Variants in TENM3 observed in about 807,000 individuals in gnomAD.
TENM3 encodes the protein teneurin transmembrane protein 3, also known as teneurin-3.
In TENM3, 63 loss-of-function variants were observed where a neutral mutation model predicts 255.1. The observed-to-expected ratio is 0.25, with a 90% CI of 0.20 to 0.30. The LOEUF (loss-of-function observed/expected upper bound fraction) is 0.30. Among genes scored for constraint, TENM3 ranks in the 10% least tolerant of loss-of-function variants. The pLI is 1.00. For synonymous variants in TENM3, 1,306 were observed against 1,322.3 expected, an observed-to-expected ratio of 0.99 and a Z score of 0.27; for missense variants, 2,929 against 3,461.1, an observed-to-expected ratio of 0.85 and a Z score of 3.86.
chr4:181,735,741 G>A, the TENM3 span, among the ~76,000 whole-genome samples: 1 of 151,988 alleles, frequency 6.6e-6, no homozygotes, highest in Admixed American at 6.6e-5. Context: ...AGACACTAGA[G>A]CAAGACTTGA....
chr4:182,117,171 A>G, the TENM3 span, among the ~76,000 whole-genome samples: 2 of 152,172 alleles, frequency 1.3e-5, no homozygotes, highest in African/African-American at 4.8e-5. Flanking sequence ...TATTCTTTGT[A>G]TACTTTGGAT....
At chr4:181,831,784 A>C in the TENM3 span, among the ~76,000 whole-genome samples, 1 of 152,116 alleles carries the variant, frequency 6.6e-6, no homozygotes, top group African/African-American at 2.4e-5. Context: ...CTAATATGTA[A>C]TCAGTTACAC....
chr4:182,649,861 C>T (rs1427059819), intron 5 of TENM3, among the ~76,000 whole-genome samples: 1 of 150,234 alleles, frequency 6.7e-6, no homozygotes, highest in African/African-American at 2.4e-5. Context: ...CCCACACAAG[C>T]TGTGTTTCAC....
rs538291618 is a variant in TENM3 at position 182,284,496 on chromosome 4, C to A, written c.-75-39450C>A. ...AAAGGTAACTTTGTGGTGTTTTCAGCGTATTGAGGTAAAATGAAGGGGAAA... is the reference window on the plus strand; with the variant it reads ...AAAGGTAACTTTGTGGTGTTTTCAGAGTATTGAGGTAAAATGAAGGGGAAA... On this transcript the variant is annotated intron_variant, in intron 1 of 27. Coordinates refer to ENST00000511685, the MANE Select transcript of TENM3 (RefSeq NM_001080477.4). Among the ~76,000 whole-genome samples, 24 of 152,148 alleles carry A rather than the reference C, an allele frequency of 1.6e-4. No individual in the cohort carries two copies. In the South Asian group the frequency reaches 5.0e-3, roughly 32 times the overall value.
intron 6 of TENM3, among the ~76,000 whole-genome samples, chr4:182,663,053 T>A (rs1343552698): frequency 3.3e-5 from 5 of 152,214 alleles, no homozygotes; most frequent in Non-Finnish European, 7.3e-5. Flanking sequence ...GATGTCCTTA[T>A]ATCTCTACAT....
chr4:182,132,416 G>A, the TENM3 span, among the ~76,000 whole-genome samples: 1 of 151,912 alleles, frequency 6.6e-6, no homozygotes, highest in Non-Finnish European at 1.5e-5. Context: ...TTGGGAGGTG[G>A]AGGTTGCAGT....
chr4:181,811,400 C>T, the TENM3 span, among the ~76,000 whole-genome samples: 1 of 152,204 alleles, frequency 6.6e-6, no homozygotes, highest in African/African-American at 2.4e-5. Context: ...ATCTTTCCAA[C>T]ACTGGTTCCA....
chr4:182,512,831 A>G (rs1253695545), intron 3 of TENM3, among the ~76,000 whole-genome samples: 1 of 152,158 alleles, frequency 6.6e-6, no homozygotes, highest in African/African-American at 2.4e-5. Context: ...TAAAATTGCT[A>G]TAGGCTAAGA....
intron 3 of TENM3, among the ~76,000 whole-genome samples, chr4:182,576,807 T>TA (rs1255228056): frequency 2.6e-5 from 4 of 152,212 alleles, no homozygotes; most frequent in African/African-American, 9.6e-5. Context: ...ACACTGCTGT[T>TA]AGGGTAGTCG....
chr4:182,193,579 C>T (rs1179730022), intron 1 of TENM3, among the ~76,000 whole-genome samples: 1 of 152,156 alleles, frequency 6.6e-6, no homozygotes, highest in African/African-American at 2.4e-5. Context: ...CCATGCGTCC[C>T]AGGGGTATAG....
chr4:182,390,703 C>G (rs1178107101), intron 3 of TENM3, among the ~76,000 whole-genome samples: 1 of 152,162 alleles, frequency 6.6e-6, no homozygotes, highest in Non-Finnish European at 1.5e-5. Context: ...CACTGCCGTC[C>G]CCATCTCTCC....
At chr4:182,497,103 G>A (rs1195503867) in intron 3 of TENM3, among the ~76,000 whole-genome samples, 1 of 151,764 alleles carries the variant, frequency 6.6e-6, no homozygotes, top group Non-Finnish European at 1.5e-5. Context: ...CGCCAGGCTG[G>A]AATGCAGTGG....
the TENM3 span, among the ~76,000 whole-genome samples, chr4:181,605,621 A>G: frequency 2.7e-5 from 4 of 150,584 alleles, 1 homozygote; most frequent in Admixed American, 6.6e-5. Context: ...AAGAAAAGAA[A>G]GAACAAGCAA....
the TENM3 span, among the ~76,000 whole-genome samples, chr4:181,793,052 T>C: frequency 6.6e-6 from 1 of 152,104 alleles, no homozygotes. Flanking sequence ...TTACCAAATG[T>C]TGAGAGAGAC....
At chr4:181,693,487 C>T in the TENM3 span, among the ~76,000 whole-genome samples, 6 of 152,162 alleles carry the variant, frequency 3.9e-5, no homozygotes, top group Non-Finnish European at 1.5e-5. Context: ...CCATCTGAAA[C>T]GTGTAGCCAT....
chr4:182,454,198 C>T (rs1315089005), intron 3 of TENM3, among the ~76,000 whole-genome samples: 1 of 152,148 alleles, frequency 6.6e-6, no homozygotes, highest in African/African-American at 2.4e-5. Flanking sequence ...TTTATGACAG[C>T]CACCCCTGCT....
chr4:182,208,946 G>A (rs1476749253), intron 1 of TENM3, among the ~76,000 whole-genome samples: 1 of 151,560 alleles, frequency 6.6e-6, no homozygotes, highest in African/African-American at 2.4e-5. Flanking sequence ...ACATTCACAT[G>A]GGCTCAGCTG....
At chr4:182,537,807 A>G (rs954379416) in intron 3 of TENM3, among the ~76,000 whole-genome samples, 9 of 152,148 alleles carry the variant, frequency 5.9e-5, no homozygotes, top group Admixed American at 2.6e-4. Context: ...TTCATGCTGC[A>G]GCGTGTTAAG....
the TENM3 span, among the ~76,000 whole-genome samples, chr4:181,552,000 G>C: frequency 1.3e-5 from 2 of 151,822 alleles, 1 homozygote; most frequent in South Asian, 4.2e-4. Flanking sequence ...TAGGCCGTAA[G>C]TTATTTGCAG....
Sources: gnomAD v4.1 joint callset for allele counts (sites outside exome capture counted in the v4.1 genomes callset) on GRCh38, gnomAD v4.1.1 for gene constraint, MANE v1.5 for transcripts, NCBI Gene and HGNC (gene_info 2026-07-23, HGNC 2026-07-21) for gene names.